Variants in RTN1 observed in about 807,000 individuals in gnomAD.
RTN1 encodes the protein reticulon-1.
Under a neutral mutation model 65.5 loss-of-function variants are expected in RTN1, and 25 were observed. The ratio of observed to expected loss-of-function variants is 0.38; its 90% CI spans 0.28 to 0.53. The LOEUF (loss-of-function observed/expected upper bound fraction) is 0.53, where lower values mean the gene tolerates loss of function less well. RTN1 is among the 20% of genes least tolerant of loss of function. RTN1 has a pLI of 0.79. For missense variants in RTN1, 983 were observed against 1,025.4 expected, an observed-to-expected ratio of 0.96 and a Z score of 0.57; for synonymous variants, 471 against 447.6, an observed-to-expected ratio of 1.05 and a Z score of -0.66.
At chr14:59,630,799 C>G (rs1363651399) in intron 3 of RTN1, 15 of 1,033,902 alleles carry the variant, frequency 1.5e-5, no homozygotes, top group Middle Eastern at 4.6e-4. Flanking sequence ...ACCCTGGAGA[C>G]GGGTAAAGCG....
chr14:59,867,207 T>C (rs1253235001), intron 1 of RTN1, among the ~76,000 whole-genome samples: 1 of 152,234 alleles, frequency 6.6e-6, no homozygotes, highest in East Asian at 1.9e-4. Context: ...CAAAGGACCA[T>C]TCTTTTTTCC....
intron 1 of RTN1, among the ~76,000 whole-genome samples, chr14:59,824,903 G>T (rs79103360): frequency 0.013 from 1,988 of 152,260 alleles, 46 homozygotes; most frequent in African/African-American, 0.044. Context: ...AGACAAATAT[G>T]GCATGACTTC....
Position 59,654,196 on chromosome 14 carries a change from C to T in RTN1, c.1766-46704G>A, listed in dbSNP as rs149135190. On this transcript the variant is annotated intron_variant, in intron 3 of 8. Coordinates refer to ENST00000267484, the MANE Select transcript of RTN1 (RefSeq NM_021136.3). ...ATCCTAGTGCTTTGGGAGGCCAAGGCGGGTGGATCACCTGAGGTCGGGAGT... is the reference window on the plus strand; with the variant it reads ...ATCCTAGTGCTTTGGGAGGCCAAGGTGGGTGGATCACCTGAGGTCGGGAGT... Among the ~76,000 whole-genome samples the T allele has an allele frequency of 1.4e-3, 206 of 152,120 alleles. 1 individual carries two copies. Among genetic ancestry groups the T allele is most frequent in the African/African-American group, 4.6e-3 (192 of 41,510 alleles).
intron 1 of RTN1, among the ~76,000 whole-genome samples, chr14:59,859,857 T>G (rs1887676378): frequency 6.6e-6 from 1 of 152,176 alleles, no homozygotes; most frequent in Non-Finnish European, 1.5e-5. Flanking sequence ...TTGTGGAACT[T>G]CAAACTTGAG....
chr14:59,814,655 C>T (rs550626981), intron 1 of RTN1, among the ~76,000 whole-genome samples: 2 of 152,358 alleles, frequency 1.3e-5, no homozygotes, highest in Admixed American at 1.3e-4. Context: ...CTTCAACATA[C>T]TCTTTGAGAA....
Position 59,823,996 on chromosome 14 carries a change from G to T in RTN1, c.241+46394C>A, listed in dbSNP as rs375870335. ...TAGTTTTCAAATGCCAATTTACTGAGTTTTCTTTCTTGTATGTCATTTTAA... is the reference window on the plus strand; with the variant it reads ...TAGTTTTCAAATGCCAATTTACTGATTTTTCTTTCTTGTATGTCATTTTAA... On this transcript the variant is annotated intron_variant, in intron 1 of 8. Coordinates refer to ENST00000267484, the MANE Select transcript of RTN1 (RefSeq NM_021136.3). 3.9e-5 allele frequency among the ~76,000 whole-genome samples: 6 copies of T among 152,270 alleles called. No homozygotes were observed. In the East Asian group the frequency reaches 1.2e-3, roughly 29 times the overall value.
In RTN1 at chr14:59,812,591, G is replaced by A. The variant is rs1364972690; in HGVS notation, c.241+57799C>T. Among the ~76,000 whole-genome samples the A allele has an allele frequency of 2.6e-5, 4 of 152,138 alleles. 1 individual carries two copies. Among genetic ancestry groups the A allele is most frequent in the African/African-American group, 9.7e-5 (4 of 41,446 alleles). ...TTGAAGTAGCTGGTAGATATTTGAT[G>A]GGTATGTGTGTGCATGTGTGCCTTG... On this transcript the variant is annotated intron_variant, in intron 1 of 8. Coordinates refer to ENST00000267484, the MANE Select transcript of RTN1 (RefSeq NM_021136.3).
At position 59,596,518 on chromosome 14, in the gene RTN1, A is replaced by C. The variant is rs1196425197; in HGVS notation, c.*227T>G. 5.4e-5 allele frequency: 19 copies of C among 348,954 alleles called. No homozygotes were observed. Among genetic ancestry groups the C allele is most frequent in the Admixed American group, 4.5e-5 (1 of 22,164 alleles). The allele number at this position is 348,954 out of a possible 1,614,324, so 21.6% of individuals were successfully genotyped here. On this transcript the variant is annotated 3_prime_UTR_variant, in exon 9 of 9. Coordinates refer to ENST00000267484, the MANE Select transcript of RTN1 (RefSeq NM_021136.3). ...TTTTTTTAGCAACACAAAATTAAAA[A>C]CCACATCTAATACACTTTTCTCTAT...
chr14:59,852,823 T>C (rs1012337133), intron 1 of RTN1, among the ~76,000 whole-genome samples: 1 of 152,250 alleles, frequency 6.6e-6, no homozygotes, highest in African/African-American at 2.4e-5. Context: ...ATTTATGGAA[T>C]GCAGATCTTT....
intron 1 of RTN1, among the ~76,000 whole-genome samples, chr14:59,869,938 G>A (rs1887865037): frequency 6.6e-6 from 1 of 152,036 alleles, no homozygotes; most frequent in African/African-American, 2.4e-5. Flanking sequence ...CGGGTCCAGG[G>A]GCCGCGGGCC....
chr14:59,769,540 G>T (rs1038724339), intron 1 of RTN1, among the ~76,000 whole-genome samples: 2 of 152,188 alleles, frequency 1.3e-5, no homozygotes, highest in Non-Finnish European at 2.9e-5. Context: ...GCTGCTCCTT[G>T]TAAAACCAGA....
chr14:59,614,680 T>C (rs1377736803), intron 3 of RTN1, among the ~76,000 whole-genome samples: 1 of 152,214 alleles, frequency 6.6e-6, no homozygotes, highest in Non-Finnish European at 1.5e-5. Flanking sequence ...AATTGTTCGA[T>C]TTACCTACTT....
chr14:59,798,264 A>C (rs1325773481), intron 1 of RTN1, among the ~76,000 whole-genome samples: 1 of 152,180 alleles, frequency 6.6e-6, no homozygotes, highest in Non-Finnish European at 1.5e-5. Flanking sequence ...CAGAGTTCAG[A>C]TATAGCTCAC....
intron 1 of RTN1, among the ~76,000 whole-genome samples, chr14:59,823,014 C>T (rs8004850): frequency 6.6e-6 from 1 of 151,714 alleles, no homozygotes; most frequent in African/African-American, 2.4e-5. Context: ...ATGTCTATTA[C>T]GTCCATTTGG....
intron 3 of RTN1, 141 bp downstream of exon 3, chr14:59,726,778 T>TC: frequency 2.8e-6 from 2 of 725,226 alleles, no homozygotes; most frequent in African/African-American, 1.8e-5. Context: ...TCTCCTCCCA[T>TC]CCCCCCTGGA....
At chr14:59,861,095 A>G (rs1473557417) in intron 1 of RTN1, among the ~76,000 whole-genome samples, 3 of 152,256 alleles carry the variant, frequency 2.0e-5, no homozygotes, top group Non-Finnish European at 4.4e-5. Context: ...ATGTAAGGAC[A>G]TGAGATTTGG....
intron 1 of RTN1, among the ~76,000 whole-genome samples, chr14:59,800,084 C>T (rs1194889205): frequency 6.6e-6 from 1 of 152,150 alleles, no homozygotes; most frequent in Non-Finnish European, 1.5e-5. Flanking sequence ...ACAGAGCCTG[C>T]TGGAAGCTGA....
intron 1 of RTN1, among the ~76,000 whole-genome samples, chr14:59,782,507 C>T (rs780730511): frequency 1.2e-4 from 19 of 152,130 alleles, no homozygotes; most frequent in East Asian, 5.8e-4. Context: ...GGGTTGACAA[C>T]GCCTGAAACA....
chr14:59,752,799 A>G (rs561225907), intron 1 of RTN1, among the ~76,000 whole-genome samples: 2 of 152,358 alleles, frequency 1.3e-5, no homozygotes, highest in Non-Finnish European at 2.9e-5. Context: ...AGAACAAGCT[A>G]TGACTAATTA....
Sources: allele counts gnomAD v4.1 joint callset (sites outside exome capture counted in the v4.1 genomes callset), GRCh38; gene constraint gnomAD v4.1.1; transcripts MANE v1.5; gene names NCBI Gene and HGNC (gene_info 2026-07-23, HGNC 2026-07-21).